The following NPAS3 variants were observed in gnomAD, a reference collection of about 807,000 sequenced individuals.
NPAS3 encodes the protein neuronal PAS domain protein 3, also known as neuronal PAS domain-containing protein 3.
A neutral mutation model predicts 73.1 loss-of-function variants in NPAS3; 14 were observed. That is an observed-to-expected ratio of 0.19 (90% CI 0.13 to 0.30). NPAS3 has a LOEUF of 0.30. Ranked by LOEUF, NPAS3 falls within the 10% of genes least tolerant of loss-of-function variation. NPAS3 has a pLI of 1.00. For synonymous variants in NPAS3, 620 were observed against 541.5 expected, an observed-to-expected ratio of 1.14 and a Z score of -2.01; for missense variants, 1,096 against 1,250.0, an observed-to-expected ratio of 0.88 and a Z score of 1.86.
At chr14:33,499,371 C>A (rs1361536055) in intron 4 of NPAS3, among the ~76,000 whole-genome samples, 1 of 151,810 alleles carries the variant, frequency 6.6e-6, no homozygotes, top group African/African-American at 2.4e-5. Flanking sequence ...AAGATTTAAA[C>A]CCTTTTTTAA....
chr14:33,682,001 C>A (rs2059952752), intron 6 of NPAS3, among the ~76,000 whole-genome samples: 1 of 152,180 alleles, frequency 6.6e-6, no homozygotes, highest in South Asian at 2.1e-4. Flanking sequence ...AATTACTGCA[C>A]CTTTTCAGGA....
At chr14:33,235,032 A>G (rs866677720) in intron 3 of NPAS3, among the ~76,000 whole-genome samples, 2 of 152,264 alleles carry the variant, frequency 1.3e-5, no homozygotes, top group African/African-American at 4.8e-5. Context: ...AAAGTCATTC[A>G]TTTCATCAAC....
intron 4 of NPAS3, among the ~76,000 whole-genome samples, chr14:33,373,386 ATGTGTGTGTGTGTGTGTG>A (rs5807721): frequency 6.8e-6 from 1 of 147,248 alleles, no homozygotes; most frequent in Admixed American, 6.8e-5. Context: ...ATTGAACTAT[ATGTGTGTGTGTGTGTGTG>A]TGTGTGTGTG....
intron 5 of NPAS3, 63 bp from the exon 6 acceptor site, chr14:33,676,148 G>C (rs1281881936): frequency 1.3e-6 from 2 of 1,530,054 alleles, no homozygotes. Context: ...TCACTGTGTT[G>C]AATTTGAAAA....
At chr14:33,381,629 A>C (rs548603449) in intron 4 of NPAS3, among the ~76,000 whole-genome samples, 2 of 152,292 alleles carry the variant, frequency 1.3e-5, no homozygotes, top group South Asian at 4.1e-4. Flanking sequence ...TCGAACCCTG[A>C]GGTGGAAGTG....
At chr14:33,198,705 G>GT (rs2046481749) in intron 2 of NPAS3, among the ~76,000 whole-genome samples, 1 of 152,226 alleles carries the variant, frequency 6.6e-6, no homozygotes, top group Admixed American at 6.5e-5. Context: ...AGGTCCGGGG[G>GT]CGGAGCTGCC....
At chr14:33,155,759 T>C (rs2044623449) in intron 2 of NPAS3, among the ~76,000 whole-genome samples, 1 of 152,138 alleles carries the variant, frequency 6.6e-6, no homozygotes, top group African/African-American at 2.4e-5. Context: ...GTAGGTATCT[T>C]CCCTCTGTCT....
intron 4 of NPAS3, among the ~76,000 whole-genome samples, chr14:33,471,726 G>C (rs372760021): frequency 3.3e-5 from 5 of 152,340 alleles, no homozygotes; most frequent in Admixed American, 1.3e-4. Context: ...GAAATTACCA[G>C]TAGAAAGTTT....
intron 5 of NPAS3, among the ~76,000 whole-genome samples, chr14:33,619,246 T>C (rs898375821): frequency 2.0e-5 from 3 of 152,174 alleles, no homozygotes; most frequent in Admixed American, 6.5e-5. Flanking sequence ...AGTCATAATA[T>C]ATAATTTAAA....
chr14:33,140,446 T>G (rs2044004145), intron 2 of NPAS3, among the ~76,000 whole-genome samples: 1 of 152,184 alleles, frequency 6.6e-6, no homozygotes, highest in Admixed American at 6.5e-5. Context: ...GTGACCATTG[T>G]GTAAGTGGGT....
intron 4 of NPAS3, among the ~76,000 whole-genome samples, chr14:33,427,263 A>T (rs373827123): frequency 6.6e-6 from 1 of 151,642 alleles, no homozygotes; most frequent in African/African-American, 2.4e-5. Context: ...GCCACTGTAC[A>T]TCTCAGCTGT....
intron 4 of NPAS3, among the ~76,000 whole-genome samples, chr14:33,374,649 T>A (rs1341242597): frequency 6.7e-6 from 1 of 149,050 alleles, no homozygotes; most frequent in African/African-American, 2.5e-5. Context: ...GGGGAAAATA[T>A]GCTGGATTTA....
chr14:33,611,462 A>G (rs1304284005), intron 5 of NPAS3, among the ~76,000 whole-genome samples: 1 of 152,076 alleles, frequency 6.6e-6, no homozygotes, highest in East Asian at 1.9e-4. Flanking sequence ...GTGAGATGAG[A>G]TGCCTACTTT....
At chr14:33,681,421 C>T (rs2140360432) in intron 6 of NPAS3, among the ~76,000 whole-genome samples, 1 of 152,318 alleles carries the variant, frequency 6.6e-6, no homozygotes. Context: ...GTATCTACAG[C>T]ACTTTCTGCT....
intron 4 of NPAS3, among the ~76,000 whole-genome samples, chr14:33,428,348 C>T (rs927111218): frequency 1.3e-5 from 2 of 152,054 alleles, no homozygotes; most frequent in Admixed American, 1.3e-4. Context: ...ATACAAAATA[C>T]TTAGCAAGTG....
At chr14:33,690,984 C>G (rs2060221558) in intron 6 of NPAS3, among the ~76,000 whole-genome samples, 1 of 151,862 alleles carries the variant, frequency 6.6e-6, no homozygotes, top group Non-Finnish European at 1.5e-5. Context: ...GTGCTTTAAT[C>G]ATCTAATGCA....
At chr14:33,442,642 G>A (rs900442852) in intron 4 of NPAS3, among the ~76,000 whole-genome samples, 7 of 152,252 alleles carry the variant, frequency 4.6e-5, no homozygotes, top group Non-Finnish European at 8.8e-5. Flanking sequence ...CCTTGCTGCC[G>A]CCATGTGAAG....
intron 5 of NPAS3, among the ~76,000 whole-genome samples, chr14:33,662,764 G>A (rs943025947): frequency 6.6e-6 from 1 of 151,282 alleles, no homozygotes; most frequent in African/African-American, 2.4e-5. Context: ...TATTATTGGT[G>A]TATAGGAATG....
chr14:33,518,563 A>G (rs1457221702), intron 4 of NPAS3, among the ~76,000 whole-genome samples: 3 of 150,588 alleles, frequency 2.0e-5, no homozygotes, highest in Non-Finnish European at 3.0e-5. Context: ...CTCTCTTTCT[A>G]CTCACACCAA....
Sources: gnomAD v4.1 joint callset for allele counts (sites outside exome capture counted in the v4.1 genomes callset) on GRCh38, gnomAD v4.1.1 for gene constraint, MANE v1.5 for transcripts, NCBI Gene and HGNC (gene_info 2026-07-23, HGNC 2026-07-21) for gene names.